The following CDH11 variants were observed in gnomAD, a reference collection of about 807,000 sequenced individuals.
CDH11 encodes the protein cadherin-11.
A neutral mutation model predicts 67.8 loss-of-function variants in CDH11; 11 were observed. The observed-to-expected ratio is 0.16, with a 90% CI of 0.10 to 0.27. The LOEUF (loss-of-function observed/expected upper bound fraction) is 0.27, where lower values mean the gene tolerates loss of function less well. CDH11 is among the 10% of genes least tolerant of loss of function. CDH11 has a pLI of 1.00. For missense variants in CDH11, 847 were observed against 1,031.2 expected, an observed-to-expected ratio of 0.82 and a Z score of 2.45; for synonymous variants, 419 against 400.0, an observed-to-expected ratio of 1.05 and a Z score of -0.57.
At chr16:65,122,129 TGCGGGGCGGGGGGG>T (rs1341245661), upstream of CDH11, 2 of 56,210 alleles carry the variant, frequency 3.6e-5, no homozygotes, top group Non-Finnish European at 6.7e-5. Context: ...GGCAGGCGGG[TGCGGGGCGGGGGGG>T]GCGGGAGGAG....
intron 8 of CDH11, among the ~76,000 whole-genome samples, chr16:64,975,592 C>G (rs1186706464): frequency 6.6e-6 from 1 of 152,162 alleles, no homozygotes; most frequent in Non-Finnish European, 1.5e-5. Context: ...CAGGTAGCTT[C>G]TCACCTGAGT....
At chr16:65,039,473 T>C (rs1361805152) in intron 2 of CDH11, among the ~76,000 whole-genome samples, 3 of 152,200 alleles carry the variant, frequency 2.0e-5, no homozygotes, top group Admixed American at 2.0e-4. Context: ...GGATTCCCTA[T>C]TTAATAAATG....
rs573681439 is a variant in CDH11 at position 65,004,693 on chromosome 16, C to T, written c.177G>A (p.Gln59=). 2.5e-5 allele frequency: 41 copies of T among 1,613,914 alleles called. No individual in the cohort carries two copies. The South Asian group carries it at 4.5e-4, about 18-fold the overall frequency. Residue 59 remains glutamine (Q), a synonymous_variant, in exon 3 of 13, where the codon CAG becomes CAA. Coordinates refer to ENST00000268603, the MANE Select transcript of CDH11 (RefSeq NM_001797.4). The stretch of plus-strand genomic sequence containing the variant: ...CGGTGTACTCCTCTATCACGAAGAA[C>T]TGGTTCCAGACCCAGCCACGCTTGG... ...QRSKRGWVWN[Q]FFVIEEYTGP...
intron 7 of CDH11, chr16:64,986,990 A>T (rs1318987679): frequency 6.6e-6 from 1 of 151,972 alleles, no homozygotes; most frequent in Non-Finnish European, 1.5e-5. Flanking sequence ...CTCTTTATTG[A>T]TGCTTCAAAT....
intron 11 of CDH11, among the ~76,000 whole-genome samples, chr16:64,951,390 G>A (rs1447766267): frequency 3.9e-5 from 6 of 152,054 alleles, no homozygotes; most frequent in Non-Finnish European, 8.8e-5. Context: ...TTTGAAGTTT[G>A]TTGCTCACAT....
chr16:65,098,228 T>C (rs1428411866), intron 1 of CDH11, among the ~76,000 whole-genome samples: 1 of 152,190 alleles, frequency 6.6e-6, no homozygotes, highest in East Asian at 1.9e-4. Flanking sequence ...AACCTCATAT[T>C]GCTACCACAT....
chr16:65,049,543 C>T (rs1337741147), intron 2 of CDH11, among the ~76,000 whole-genome samples: 1 of 152,152 alleles, frequency 6.6e-6, no homozygotes, highest in Non-Finnish European at 1.5e-5. Flanking sequence ...GTACCTGGTA[C>T]AAGGGCATGC....
intron 1 of CDH11, among the ~76,000 whole-genome samples, chr16:65,094,379 T>C (rs1204690976): frequency 6.6e-6 from 1 of 151,876 alleles, no homozygotes; most frequent in Non-Finnish European, 1.5e-5. Context: ...CAGAGTCTAA[T>C]AAAGAAATCA....
intron 11 of CDH11, among the ~76,000 whole-genome samples, chr16:64,953,250 A>G (rs1022860539): frequency 6.6e-6 from 1 of 150,994 alleles, no homozygotes; most frequent in Non-Finnish European, 1.5e-5. Flanking sequence ...TTTCCGTTAG[A>G]TATCTATATC....
intron 1 of CDH11, among the ~76,000 whole-genome samples, chr16:65,089,945 T>C (rs1336174811): frequency 6.6e-6 from 1 of 152,136 alleles, no homozygotes; most frequent in South Asian, 2.1e-4. Flanking sequence ...TAAGTGAACA[T>C]ACAAAAAATT....
Position 65,121,672 on chromosome 16 carries a change from C to A in CDH11, c.-298+208G>T, listed in dbSNP as rs1035418311. 6.6e-6 allele frequency among the ~76,000 whole-genome samples: 1 copy of A among 152,336 alleles called. No homozygotes were observed. The highest frequency in any genetic ancestry group is 1.9e-4 in the East Asian group (1 of 5,172). ...GCCTCCGTCCCCTGCTTTGCCCGCG[C>A]CCACAGCTGGCTCCCTTCTCCCTTT... On this transcript the variant is annotated intron_variant, in intron 1 of 12. Transcript: ENST00000268603. The surrounding 1 kb of genome is among the most constrained non-coding windows in gnomAD (Gnocchi z 4.1).
In CDH11 at chr16:64,946,812, G is replaced by A; in HGVS notation, c.*791C>T. 1 of 874,604 alleles carries A rather than the reference G, an allele frequency of 1.1e-6. No individual in the cohort carries two copies. The highest frequency in any genetic ancestry group is 1.4e-6 in the Non-Finnish European group (1 of 717,974). 54.2% of individuals were successfully genotyped at this position (874,604 alleles called of 1,614,324 possible). Reference sequence around the variant, plus strand: ...AAAATCTTTTTTTATTTCAAAGATTGCTTCTTATATTGAAGCTCATATTAA... The same window carrying A: ...AAAATCTTTTTTTATTTCAAAGATTACTTCTTATATTGAAGCTCATATTAA... On this transcript the variant is annotated 3_prime_UTR_variant, in exon 13 of 13. Coordinates refer to ENST00000268603, the MANE Select transcript of CDH11 (RefSeq NM_001797.4).
intron 12 of CDH11, among the ~76,000 whole-genome samples, chr16:64,948,980 G>T (rs2071275069): frequency 6.6e-6 from 1 of 152,180 alleles, no homozygotes; most frequent in African/African-American, 2.4e-5. Flanking sequence ...CTCCACTACT[G>T]CTCTGAGAAG....
At chr16:65,059,222 C>T (rs990131168) in intron 1 of CDH11, among the ~76,000 whole-genome samples, 1 of 152,150 alleles carries the variant, frequency 6.6e-6, no homozygotes, top group African/African-American at 2.4e-5. Flanking sequence ...CTGCTCATCC[C>T]TTCCTGCAAA....
chr16:64,946,417 G>T lies in CDH11; in HGVS notation c.*1186C>A. The T allele has an allele frequency of 2.9e-6, 3 of 1,034,912 alleles. No homozygotes were observed. The highest frequency in any genetic ancestry group is 3.5e-6 in the Non-Finnish European group (3 of 859,822). 64.1% of individuals were successfully genotyped at this position (1,034,912 alleles called of 1,614,324 possible). A position where few individuals can be genotyped will look rare whatever the true frequency, so the allele number is the denominator to read the frequency against. The stretch of plus-strand genomic sequence containing the variant: ...AGTTCTGATAGCTCCATTCCCTCAT[G>T]GATTCATCTCTCATAACCATCAAAT... On this transcript the variant is annotated 3_prime_UTR_variant, in exon 13 of 13. Transcript: ENST00000268603.
chr16:64,998,567 T>A lies in CDH11; in HGVS notation c.518A>T (p.Asn173Ile). ...GCCTCCCACACCGTACGCACCCACA[T>A]TGGACCTCTCAGGCACGTTGGCATG... ...TYHANVPERSNVGTSVIQVTA... is the reference protein window; with the variant it reads ...TYHANVPERSIVGTSVIQVTA... The change falls in exon 4 of 13, where the codon AAT becomes ATT. Residue 173 changes from asparagine (N) to isoleucine (I), a missense_variant. By Grantham distance (149) the Asn-to-Ile change is moderately radical (BLOSUM62 -3). This residue lies in a region of CDH11 where 235 missense variants were observed against 352.5 expected (regional missense o/e 0.67). Coordinates refer to ENST00000268603, the MANE Select transcript of CDH11 (RefSeq NM_001797.4). 1 of 1,613,974 alleles carries A rather than the reference T, an allele frequency of 6.2e-7. No homozygotes were observed. Among genetic ancestry groups the A allele is most frequent in the Non-Finnish European group, 8.5e-7 (1 of 1,179,960 alleles).
At chr16:65,113,739 T>C (rs2075198449) in intron 1 of CDH11, among the ~76,000 whole-genome samples, 1 of 152,134 alleles carries the variant, frequency 6.6e-6, no homozygotes, top group Admixed American at 6.5e-5. Context: ...TGACTAAGCT[T>C]CAGCATCTGA....
intron 1 of CDH11, among the ~76,000 whole-genome samples, chr16:65,095,727 T>C (rs764993013): frequency 3.3e-5 from 5 of 152,200 alleles, no homozygotes; most frequent in Non-Finnish European, 7.3e-5. Flanking sequence ...ACCTGCCCTA[T>C]GGATTTTGAA....
At chr16:64,965,339 A>C (rs912496678) in intron 11 of CDH11, among the ~76,000 whole-genome samples, 4 of 151,772 alleles carry the variant, frequency 2.6e-5, no homozygotes, top group Non-Finnish European at 4.4e-5. Flanking sequence ...CCGAGATTGC[A>C]CCACTGCACT....
Sources: gnomAD v4.1 joint callset for allele counts (sites outside exome capture counted in the v4.1 genomes callset) on GRCh38, gnomAD v4.1.1 for gene constraint, gnomAD v4.1.1 regional missense constraint, Gnocchi (gnomAD v3.1) non-coding constraint, MANE v1.5 for transcripts, NCBI Gene and HGNC (gene_info 2026-07-23, HGNC 2026-07-21) for gene names.